The following NRIP1 variants were observed in gnomAD, a reference collection of about 807,000 sequenced individuals.
NRIP1 encodes nuclear receptor-interacting protein 1.
A neutral mutation model predicts 75.0 loss-of-function variants in NRIP1; 28 were observed. That is an observed-to-expected ratio of 0.37 (90% CI 0.28 to 0.51). The LOEUF is 0.51. Ranked by LOEUF, NRIP1 falls within the 20% of genes least tolerant of loss-of-function variation. The pLI is 0.92. For synonymous variants in NRIP1, 526 were observed against 487.6 expected, an observed-to-expected ratio of 1.08 and a Z score of -1.04; for missense variants, 1,435 against 1,343.7, an observed-to-expected ratio of 1.07 and a Z score of -1.06.
At chr21:14,978,374 C>A (rs1015702883) in intron 3 of NRIP1, among the ~76,000 whole-genome samples, 2 of 152,030 alleles carry the variant, frequency 1.3e-5, no homozygotes, top group East Asian at 1.9e-4. Context: ...CAATAAATTC[C>A]GGGGGAAGGA....
intron 3 of NRIP1, among the ~76,000 whole-genome samples, chr21:14,973,562 A>G (rs961752781): frequency 6.6e-6 from 1 of 152,200 alleles, no homozygotes; most frequent in Non-Finnish European, 1.5e-5. Context: ...GTTCCATAAA[A>G]TTTTGAGGAA....
intron 3 of NRIP1, among the ~76,000 whole-genome samples, chr21:15,004,518 T>C (rs78396478): frequency 0.028 from 4,283 of 152,338 alleles, 83 homozygotes; most frequent in Non-Finnish European, 0.046. Context: ...CACTTGGACT[T>C]TGTCCAACTA....
At chr21:15,039,309 C>A (rs887393770) in intron 2 of NRIP1, among the ~76,000 whole-genome samples, 8 of 152,112 alleles carry the variant, frequency 5.3e-5, no homozygotes, top group African/African-American at 1.9e-4. Context: ...TATCCCAGAT[C>A]TGGGAACCAA....
intron 3 of NRIP1, among the ~76,000 whole-genome samples, chr21:14,997,177 A>G (rs1394323907): frequency 5.9e-5 from 9 of 152,192 alleles, no homozygotes; most frequent in Non-Finnish European, 1.3e-4. Flanking sequence ...AAAGGGAGAA[A>G]AAAGGAAACT....
rs2086655399 is a variant in NRIP1, at chr21:14,963,993, A to G, written c.*723T>C. 6.6e-6 allele frequency: 1 copy of G among 152,594 alleles called. No homozygotes were observed. Among genetic ancestry groups the G allele is most frequent in the Non-Finnish European group, 1.5e-5 (1 of 68,026 alleles). The allele number at this position is 152,594 out of a possible 1,614,324, so 9.5% of individuals were successfully genotyped here. A position where few individuals can be genotyped will look rare whatever the true frequency, so the allele number is the denominator to read the frequency against. On this transcript the variant is annotated 3_prime_UTR_variant, in exon 4 of 4. Transcript: ENST00000318948. ...AGGAGGAGTATTAATTTAGTAAAGTAGTTAAAATACAAAAAATGGAAATCT... is the reference window on the plus strand; with the variant it reads ...AGGAGGAGTATTAATTTAGTAAAGTGGTTAAAATACAAAAAATGGAAATCT...
At chr21:14,999,123 A>G (rs973987946) in intron 3 of NRIP1, among the ~76,000 whole-genome samples, 18 of 151,856 alleles carry the variant, frequency 1.2e-4, no homozygotes. Flanking sequence ...TCTCGCCTCA[A>G]CCTCCCAAGT....
intron 1 of NRIP1, among the ~76,000 whole-genome samples, chr21:15,061,217 G>GT (rs2089417390): frequency 6.6e-6 from 1 of 152,076 alleles, no homozygotes; most frequent in South Asian, 2.1e-4. Context: ...GAAGACATGG[G>GT]TATACAGGAC....
chr21:15,061,774 T>C (rs141193009), intron 1 of NRIP1, among the ~76,000 whole-genome samples: 124 of 152,322 alleles, frequency 8.1e-4, no homozygotes, highest in African/African-American at 2.9e-3. Flanking sequence ...CAAATTCCTT[T>C]AACCTCATAT....
chr21:15,035,088 T>C (rs1050871183), intron 2 of NRIP1, among the ~76,000 whole-genome samples: 3 of 152,176 alleles, frequency 2.0e-5, no homozygotes, highest in African/African-American at 7.2e-5. Flanking sequence ...TATGTGAAGA[T>C]GCAGGGCTCA....
rs1033748851 is a variant in NRIP1 at position 14,967,206 on chromosome 21, T to C, written c.987A>G (p.Ala329=). 14 of 1,613,992 alleles carry C rather than the reference T, an allele frequency of 8.7e-6. No individual in the cohort carries two copies. Among genetic ancestry groups the C allele is most frequent in the Non-Finnish European group, 9.3e-6 (11 of 1,180,018 alleles). Reference sequence around the variant, plus strand: ...CCATCAGTTTGCTTGATGATGTTCTTGCCTGACCATTAAGATGGCTTGACA... The same window carrying C: ...CCATCAGTTTGCTTGATGATGTTCTCGCCTGACCATTAAGATGGCTTGACA... ...KGMSSHLNGQ[A]RTSSSKLMAS... Residue 329 remains alanine, a synonymous_variant, in exon 4 of 4, where the codon GCA becomes GCG. Coordinates refer to ENST00000318948, the MANE Select transcript of NRIP1 (RefSeq NM_003489.4).
intron 3 of NRIP1, among the ~76,000 whole-genome samples, chr21:14,983,057 A>G (rs1253546708): frequency 2.0e-5 from 3 of 152,090 alleles, no homozygotes; most frequent in Non-Finnish European, 2.9e-5. Flanking sequence ...TTGAAATTAG[A>G]TCAATTAATA....
intron 2 of NRIP1, among the ~76,000 whole-genome samples, chr21:15,036,841 A>G (rs1011672404): frequency 6.6e-6 from 1 of 152,164 alleles, no homozygotes; most frequent in African/African-American, 2.4e-5. Flanking sequence ...CTTTTTTAAA[A>G]ATATACTTTA....
intron 3 of NRIP1, among the ~76,000 whole-genome samples, chr21:14,984,117 G>A (rs1290984261): frequency 1.3e-5 from 2 of 152,172 alleles, no homozygotes; most frequent in Non-Finnish European, 2.9e-5. Context: ...GATCTGGGCA[G>A]AGTCAACTGA....
chr21:15,048,969 C>A (rs75094276), intron 1 of NRIP1, among the ~76,000 whole-genome samples: 3 of 150,170 alleles, frequency 2.0e-5, no homozygotes, highest in Non-Finnish European at 4.5e-5. Context: ...CAAATACATA[C>A]ACACACACAC....
chr21:15,017,438 A>G (rs1488389579), intron 2 of NRIP1, among the ~76,000 whole-genome samples: 1 of 151,928 alleles, frequency 6.6e-6, no homozygotes, highest in Admixed American at 6.6e-5. Flanking sequence ...TCTTACCAAC[A>G]CTCCTAGAAC....
chr21:15,022,804 G>C (rs975091521), intron 2 of NRIP1, among the ~76,000 whole-genome samples: 2 of 152,174 alleles, frequency 1.3e-5, no homozygotes, highest in Non-Finnish European at 2.9e-5. Context: ...TTCCATTCCT[G>C]TGTATATACA....
At chr21:15,026,217 A>C (rs972729426) in intron 2 of NRIP1, among the ~76,000 whole-genome samples, 15 of 152,252 alleles carry the variant, frequency 9.9e-5, no homozygotes, top group Admixed American at 9.2e-4. Context: ...TTTTGAGTAC[A>C]TAATGGGCAT....
chr21:15,015,479 C>G (rs2088203247), intron 2 of NRIP1, among the ~76,000 whole-genome samples: 1 of 151,340 alleles, frequency 6.6e-6, no homozygotes, highest in Admixed American at 6.6e-5. Context: ...AAGATTTATC[C>G]TAATTAAAAA....
intron 3 of NRIP1, among the ~76,000 whole-genome samples, chr21:14,972,380 G>A (rs1246923296): frequency 2.0e-5 from 3 of 152,172 alleles, no homozygotes; most frequent in African/African-American, 7.2e-5. Context: ...AGTACAGCTT[G>A]TTGGGACCTA....
Sources: allele counts gnomAD v4.1 joint callset (sites outside exome capture counted in the v4.1 genomes callset), GRCh38; gene constraint gnomAD v4.1.1; transcripts MANE v1.5; gene names NCBI Gene and HGNC (gene_info 2026-07-23, HGNC 2026-07-21).